LOXL1: variants seen among roughly 807,000 people sequenced by gnomAD.
LOXL1 encodes lysyl oxidase homolog 1.
LOXL1 carries 31 observed loss-of-function variants against 62.2 expected under a neutral mutation model. That is an observed-to-expected ratio of 0.50 (90% confidence interval 0.37 to 0.67). The LOEUF is 0.67. LOXL1 is among the 30% of genes least tolerant of loss of function. The probability of loss-of-function intolerance (pLI) is 0.00; values close to 1 mark genes in which losing one functional copy is unlikely to be tolerated. For synonymous variants in LOXL1, 403 were observed against 384.4 expected (o/e 1.05, Z -0.56); for missense variants, 775 against 843.4 (o/e 0.92, Z 1.00).
intron 1 of LOXL1, 84 bp from the exon 2 acceptor site, chr15:73,942,770 T>A: frequency 1.2e-6 from 1 of 834,780 alleles, no homozygotes. Flanking sequence ...TGAGGAGGTC[T>A]CTGGGCATTA....
At chr15:73,949,427 C>A in intron 5 of LOXL1, 32 bp from the exon 6 acceptor site, 2 of 1,316,168 alleles carry the variant, frequency 1.5e-6, no homozygotes, top group Non-Finnish European at 2.2e-6. Context: ...CCTGACTAGA[C>A]TCCCTTTCTC....
At chr15:73,946,642 A>C in intron 3 of LOXL1, 88 bp downstream of exon 3, 3 of 1,440,690 alleles carry the variant, frequency 2.1e-6, no homozygotes, top group Non-Finnish European at 2.8e-6. Flanking sequence ...CACCATGAGC[A>C]CTCTGGGAGA....
At position 73,947,152 on chromosome 15, in the gene LOXL1, A is replaced by G. The variant is rs200049075; in HGVS notation, c.1435A>G (p.Ser479Gly). 33 of 1,613,738 alleles carry G rather than the reference A, an allele frequency of 2.0e-5. No homozygotes were observed. Among genetic ancestry groups the G allele is most frequent in the Non-Finnish European group, 1.5e-5 (18 of 1,179,750 alleles). The change falls in exon 4 of 7, where the codon AGT becomes GGT. Residue 479 changes from serine (S) to glycine (G), a missense_variant. Ser to Gly is a moderately conservative substitution (Grantham distance 56). Coordinates refer to ENST00000261921, the MANE Select transcript of LOXL1 (RefSeq NM_005576.4). The part of the protein sequence containing the change: ...GKKVAEGHKA[S>G]FCLEDSTCDF... Reference sequence around the variant, plus strand: ...GAAGGTGGCCGAGGGCCACAAGGCCAGTTTCTGCCTGGAGGACAGCACCTG... The same window carrying G: ...GAAGGTGGCCGAGGGCCACAAGGCCGGTTTCTGCCTGGAGGACAGCACCTG...
intron 1 of LOXL1, among the ~76,000 whole-genome samples, chr15:73,938,199 G>C (rs1278825629): frequency 6.6e-6 from 1 of 152,090 alleles, no homozygotes; most frequent in Non-Finnish European, 1.5e-5. Flanking sequence ...AGAATTGCTT[G>C]AACCCGGGAG....
chr15:73,949,438 C>A, intron 5 of LOXL1, 21 bp from the exon 6 acceptor site: 2 of 1,456,680 alleles, frequency 1.4e-6, no homozygotes, highest in Non-Finnish European at 1.9e-6. Flanking sequence ...TCCCTTTCTC[C>A]CTGTTTCTCT....
In LOXL1 at chr15:73,952,020, T is replaced by C. The variant is rs2068791759; in HGVS notation, c.*183T>C. 4 of 428,436 alleles carry C rather than the reference T, an allele frequency of 9.3e-6. No individual in the cohort carries two copies. The highest frequency in any genetic ancestry group is 4.3e-5 in the Admixed American group (1 of 23,234). 26.5% of individuals were successfully genotyped at this position (428,436 alleles called of 1,614,324 possible). A position where few individuals can be genotyped will look rare whatever the true frequency, so the allele number is the denominator to read the frequency against. On this transcript the variant is annotated 3_prime_UTR_variant, in exon 7 of 7. Transcript: ENST00000261921. ...ATTCCGGACGCCAGACCCCATTTTA[T>C]ACTTCACTTTTCTCTACAGTGTTGT...
At chr15:73,947,407 C>T (rs2068755809) in intron 4 of LOXL1, 184 bp downstream of exon 4, 1 of 570,892 alleles carries the variant, frequency 1.8e-6, no homozygotes, top group Non-Finnish European at 3.0e-6. Flanking sequence ...CCTCCCTGCC[C>T]CAGCCCCTTT....
At position 73,946,426 on chromosome 15, in the gene LOXL1, T is replaced by C. The variant is rs756803862; in HGVS notation, c.1221T>C (p.Tyr407=). 2.6e-6 allele frequency: 4 copies of C among 1,561,698 alleles called. No homozygotes were observed. The highest frequency in any genetic ancestry group is 2.6e-6 in the Non-Finnish European group (3 of 1,144,130). The change falls in exon 3 of 7, where the codon TAT becomes TAC. Residue 407 remains tyrosine (Y), a synonymous_variant. Coordinates refer to ENST00000261921, the MANE Select transcript of LOXL1 (RefSeq NM_005576.4). ...AEEKCLASTA[Y]APEATDYDVR... ...CCCGCCGTCCCTGCAGCACAGCCTATGCCCCTGAGGCCACCGACTACGATG... is the reference window on the plus strand; with the variant it reads ...CCCGCCGTCCCTGCAGCACAGCCTACGCCCCTGAGGCCACCGACTACGATG...
At position 73,926,779 on chromosome 15, in the gene LOXL1, T is replaced by A. The variant is rs1333004034; in HGVS notation, c.-5T>A. 1 of 1,412,846 alleles carries A rather than the reference T, an allele frequency of 7.1e-7. No homozygotes were observed. Among genetic ancestry groups the A allele is most frequent in the Admixed American group, 3.0e-5 (1 of 33,662 alleles). The allele number at this position is 1,412,846 out of a possible 1,614,324, so 87.5% of individuals were successfully genotyped here. A position where few individuals can be genotyped will look rare whatever the true frequency, so the allele number is the denominator to read the frequency against. On this transcript the variant is annotated 5_prime_UTR_variant, in exon 1 of 7. Transcript: ENST00000261921. ...TGTCCACCAGGCCTCTGCAGAGGGG[T>A]CACCATGGCTCTGGCCCGAGGCAGC...
chr15:73,947,489 T>C (rs2068756262), intron 4 of LOXL1: 2 of 505,230 alleles, frequency 4.0e-6, no homozygotes, highest in Admixed American at 7.1e-5. Flanking sequence ...CAACACGTCC[T>C]ATTGGCCTGT....
chr15:73,948,765 A>G (rs1403433904), intron 5 of LOXL1, among the ~76,000 whole-genome samples: 1 of 152,056 alleles, frequency 6.6e-6, no homozygotes, highest in Non-Finnish European at 1.5e-5. Context: ...CATCCACTCA[A>G]TCAACATGTA....
intron 1 of LOXL1, among the ~76,000 whole-genome samples, chr15:73,942,340 A>T (rs1020432936): frequency 2.0e-5 from 3 of 151,610 alleles, no homozygotes; most frequent in Non-Finnish European, 2.9e-5. Context: ...CTTCAGGGAC[A>T]CACTCCAGGC....
intron 1 of LOXL1, among the ~76,000 whole-genome samples, chr15:73,936,323 T>G (rs1320858553): frequency 6.6e-6 from 1 of 152,186 alleles, no homozygotes; most frequent in African/African-American, 2.4e-5. Context: ...AGGCCAGTGC[T>G]GACAAGTTAA....
chr15:73,934,561 A>G (rs4243039), intron 1 of LOXL1, among the ~76,000 whole-genome samples: 148,526 of 152,302 alleles, frequency 0.98, 72,432 homozygotes, highest in East Asian at 1. Flanking sequence ...GCCTGGCTGC[A>G]GAAGGCAGAT....
intron 1 of LOXL1, among the ~76,000 whole-genome samples, chr15:73,937,697 A>G (rs1192557503): frequency 2.0e-5 from 3 of 152,242 alleles, no homozygotes; most frequent in South Asian, 4.1e-4. Flanking sequence ...CAGAAGGCCT[A>G]TGACACAGTA....
In LOXL1 at chr15:73,926,478, CGCCAGCCGAGCG is replaced by C; in HGVS notation, c.-298_-287del. On this transcript the variant is annotated 5_prime_UTR_variant, in exon 1 of 7. Coordinates refer to ENST00000261921, the MANE Select transcript of LOXL1 (RefSeq NM_005576.4). ...TGCTTATTCATTCAGAGTGGGAAAG[CGCCAGCCGAGCG>C]GCCAGCCAGTGCGGGGCTGGCCATG... The C allele has an allele frequency of 6.5e-6, 2 of 308,754 alleles. No individual in the cohort carries two copies. Among genetic ancestry groups the C allele is most frequent in the Non-Finnish European group, 1.2e-5 (2 of 168,902 alleles). 19.1% of individuals were successfully genotyped at this position (308,754 alleles called of 1,614,324 possible).
rs761452604 is a variant in LOXL1 at position 73,942,888 on chromosome 15, G to T, written c.1137G>T (p.Val379=). The change falls in exon 2 of 7, where the codon GTG becomes GTT. Residue 379 remains valine (V), a synonymous_variant. Coordinates refer to ENST00000261921, the MANE Select transcript of LOXL1 (RefSeq NM_005576.4). The part of the protein sequence containing the change: ...LPDLVPDPNY[V]QASTYVQRAH... ...ACTTGGTCCCAGACCCCAACTATGTGCAAGCATCCACTTATGTGCAGAGAG... is the reference window on the plus strand; with the variant it reads ...ACTTGGTCCCAGACCCCAACTATGTTCAAGCATCCACTTATGTGCAGAGAG... The T allele has an allele frequency of 1.2e-6, 2 of 1,614,048 alleles. No homozygotes were observed. Among genetic ancestry groups the T allele is most frequent in the South Asian group, 1.1e-5 (1 of 91,080 alleles).
At chr15:73,935,612 G>T (rs2068665381) in intron 1 of LOXL1, among the ~76,000 whole-genome samples, 1 of 152,228 alleles carries the variant, frequency 6.6e-6, no homozygotes, top group South Asian at 2.1e-4. Flanking sequence ...GGCAGGGGTT[G>T]GGTTCACGCT....
chr15:73,942,094 G>T, intron 1 of LOXL1: 1 of 161,776 alleles, frequency 6.2e-6, no homozygotes, highest in Non-Finnish European at 1.4e-5. Context: ...AGGAGGGTGT[G>T]GTCAGGTCTA....
Sources: gnomAD v4.1 joint callset for allele counts (sites outside exome capture counted in the v4.1 genomes callset) on GRCh38, gnomAD v4.1.1 for gene constraint, MANE v1.5 for transcripts, NCBI Gene and HGNC (gene_info 2026-07-23, HGNC 2026-07-21) for gene names.